CHST1: variants seen among roughly 807,000 people sequenced by gnomAD.
The protein encoded by CHST1 is carbohydrate sulfotransferase 1.
CHST1 carries 10 observed loss-of-function variants against 22.5 expected under a neutral mutation model. The observed-to-expected ratio is 0.44, with a 90% CI of 0.27 to 0.75. The LOEUF is 0.75. CHST1 is among the 30% of genes least tolerant of loss of function. The pLI is 0.15. For missense variants in CHST1, 439 were observed against 576.1 expected, an observed-to-expected ratio of 0.76 and a Z score of 2.44; for synonymous variants, 267 against 264.5, an observed-to-expected ratio of 1.01 and a Z score of -0.09.
At chr11:45,654,374 C>T (rs868038205) in intron 1 of CHST1, among the ~76,000 whole-genome samples, 2 of 152,248 alleles carry the variant, frequency 1.3e-5, no homozygotes, top group Non-Finnish European at 2.9e-5. Context: ...AAGGCCCAGC[C>T]ACAGGCCATT....
intron 1 of CHST1, among the ~76,000 whole-genome samples, chr11:45,653,698 T>A (rs1852027143): frequency 6.6e-6 from 1 of 152,268 alleles, no homozygotes; most frequent in Non-Finnish European, 1.5e-5. Flanking sequence ...TACGCTTCCT[T>A]TGTATTTATT....
chr11:45,657,180 G>A (rs1470521357), intron 1 of CHST1, among the ~76,000 whole-genome samples: 4 of 152,190 alleles, frequency 2.6e-5, no homozygotes, highest in Non-Finnish European at 4.4e-5. Flanking sequence ...AGACTGCAGA[G>A]GGGAAATGCT....
rs1046017970 is a variant in CHST1, at chr11:45,649,649, G to T, written c.*39C>A. On this transcript the variant is annotated 3_prime_UTR_variant, in exon 4 of 4. Transcript: ENST00000308064. ...AAAAACGGTCCATTTTATCAAAACC[G>T]ACACCTTGCGCCTCCCGCCCCCACC... 3 of 1,507,212 alleles carry T rather than the reference G, an allele frequency of 2.0e-6. No homozygotes were observed. The highest frequency in any genetic ancestry group is 2.6e-6 in the Non-Finnish European group (3 of 1,135,962). The allele number at this position is 1,507,212 out of a possible 1,614,324, so 93.4% of individuals were successfully genotyped here.
chr11:45,663,363 G>T lies in CHST1; in HGVS notation c.-227+1815C>A, dbSNP rs45497798. Among the ~76,000 whole-genome samples the T allele has an allele frequency of 3.4e-3, 511 of 152,266 alleles. 2 individuals carry two copies. Among genetic ancestry groups the T allele is most frequent in the African/African-American group, 0.012 (490 of 41,552 alleles). On this transcript the variant is annotated intron_variant, in intron 1 of 3. Coordinates refer to ENST00000308064, the MANE Select transcript of CHST1 (RefSeq NM_003654.6). ...GCTAGGGCCCTGTCGGCAAGGGTTGGGGGGAGAGTGGTCAGGGGGATACAT... is the reference window on the plus strand; with the variant it reads ...GCTAGGGCCCTGTCGGCAAGGGTTGTGGGGAGAGTGGTCAGGGGGATACAT...
At chr11:45,656,483 A>G (rs1054428990) in intron 1 of CHST1, among the ~76,000 whole-genome samples, 2 of 152,246 alleles carry the variant, frequency 1.3e-5, no homozygotes, top group Non-Finnish European at 2.9e-5. Context: ...GTATATATGC[A>G]TAAACAATCA....
intron 1 of CHST1, among the ~76,000 whole-genome samples, chr11:45,654,968 A>G (rs984174824): frequency 2.0e-5 from 3 of 152,214 alleles, no homozygotes; most frequent in Non-Finnish European, 4.4e-5. Flanking sequence ...CCTGAGCCTC[A>G]GTTTCCCCAT....
At chr11:45,651,138 A>C in intron 3 of CHST1, 173 bp from the exon 4 acceptor site, 6 of 439,524 alleles carry the variant, frequency 1.4e-5, no homozygotes, top group East Asian at 3.4e-5. Context: ...TCTCTGGGGG[A>C]CTCCTGGGAG....
At chr11:45,651,406 T>G in intron 3 of CHST1, 1 of 153,762 alleles carries the variant, frequency 6.5e-6, no homozygotes, top group Non-Finnish European at 1.4e-5. Flanking sequence ...TGCCCATCCC[T>G]AGGGGAAAGA....
chr11:45,653,732 G>C (rs1388944297), intron 1 of CHST1, among the ~76,000 whole-genome samples: 1 of 152,186 alleles, frequency 6.6e-6, no homozygotes, highest in Admixed American at 6.5e-5. Context: ...CAGAACTCCT[G>C]TATGTGCCAG....
rs1456011326 is a variant in CHST1 at position 45,649,671 on chromosome 11, C to CA, written c.*16dup. The CA allele has an allele frequency of 6.5e-7, 1 of 1,531,952 alleles. No individual in the cohort carries two copies. The highest frequency in any genetic ancestry group is 2.0e-5 in the Admixed American group (1 of 48,892). The allele number at this position is 1,531,952 out of a possible 1,614,324, so 94.9% of individuals were successfully genotyped here. A position where few individuals can be genotyped will look rare whatever the true frequency, so the allele number is the denominator to read the frequency against. Reference sequence around the variant, plus strand: ...ACCGACACCTTGCGCCTCCCGCCCCCACCCGCACCGCCCGGGTCACGAGAA... The same window carrying CA: ...ACCGACACCTTGCGCCTCCCGCCCCCAACCCGCACCGCCCGGGTCACGAGAA... On this transcript the variant is annotated 3_prime_UTR_variant, in exon 4 of 4. Coordinates refer to ENST00000308064, the MANE Select transcript of CHST1 (RefSeq NM_003654.6).
Position 45,650,894 on chromosome 11 carries a change from G to A in CHST1, c.30C>T (p.Leu10=). Residue 10 remains leucine (L), a synonymous_variant, in exon 4 of 4, where the codon CTC becomes CTT. Coordinates refer to ENST00000308064, the MANE Select transcript of CHST1 (RefSeq NM_003654.6). ...GGATGGCAATGGAGGCCAGGGCAAG[G>A]AGGAGGACGGCCTTCCAGGAACATT... MQCSWKAVL[L]LALASIAIQY... is the part of the protein sequence containing the mutation. The A allele has an allele frequency of 9.1e-6, 14 of 1,543,932 alleles. No individual in the cohort carries two copies. The highest frequency in any genetic ancestry group is 1.3e-5 in the South Asian group (1 of 79,226).
At chr11:45,657,107 T>C (rs1476089191) in intron 1 of CHST1, among the ~76,000 whole-genome samples, 2 of 151,966 alleles carry the variant, frequency 1.3e-5, no homozygotes, top group African/African-American at 4.8e-5. Context: ...TCCCAAGAAC[T>C]GGAGCAAGGG....
chr11:45,649,525 T>G lies in CHST1; in HGVS notation c.*163A>C. 1.3e-6 allele frequency: 1 copy of G among 766,902 alleles called. No individual in the cohort carries two copies. The highest frequency in any genetic ancestry group is 2.1e-6 in the Non-Finnish European group (1 of 485,340). 47.5% of individuals were successfully genotyped at this position (766,902 alleles called of 1,614,324 possible). A position where few individuals can be genotyped will look rare whatever the true frequency, so the allele number is the denominator to read the frequency against. ...TTCCCGTCCAAGACGTAGTGCAAATTTCAGAGACAAAAAAGGGGCAGAAGG... is the reference window on the plus strand; with the variant it reads ...TTCCCGTCCAAGACGTAGTGCAAATGTCAGAGACAAAAAAGGGGCAGAAGG... On this transcript the variant is annotated 3_prime_UTR_variant, in exon 4 of 4. Coordinates refer to ENST00000308064, the MANE Select transcript of CHST1 (RefSeq NM_003654.6).
In CHST1 at chr11:45,664,469, C is replaced by T. The variant is rs536166485; in HGVS notation, c.-227+709G>A. On this transcript the variant is annotated intron_variant, in intron 1 of 3. Transcript: ENST00000308064. ...CAAGGTGCCACTCCAGGACGACCCC[C>T]GGGTCTTACCTTCCTCAGGCAGCCT... 6.6e-5 allele frequency among the ~76,000 whole-genome samples: 10 copies of T among 152,372 alleles called. No homozygotes were observed. The South Asian group carries it at 1.0e-3, about 16-fold the overall frequency.
Position 45,650,949 on chromosome 11 carries a change from T to C in CHST1, c.-26A>G, listed in dbSNP as rs777002095. The C allele has an allele frequency of 6.6e-7, 1 of 1,518,720 alleles. No individual in the cohort carries two copies. Among genetic ancestry groups the C allele is most frequent in the East Asian group, 2.3e-5 (1 of 43,974 alleles). The allele number at this position is 1,518,720 out of a possible 1,614,324, so 94.1% of individuals were successfully genotyped here. ...GGCTGGGCACCTTCATGGGGCTGCT[T>C]CTCCAAGGGGTGAGGTCTGTGGGCA... On this transcript the variant is annotated 5_prime_UTR_variant, in exon 4 of 4. Transcript: ENST00000308064.
intron 1 of CHST1, among the ~76,000 whole-genome samples, chr11:45,663,483 C>A (rs78302568): frequency 2.5e-4 from 38 of 152,228 alleles, no homozygotes; most frequent in African/African-American, 8.2e-4. Flanking sequence ...AAACCCCTGG[C>A]CAAAAGCATT....
At position 45,650,541 on chromosome 11, in the gene CHST1, T is replaced by C. The variant is rs1475279218; in HGVS notation, c.383A>G (p.Tyr128Cys). ...CTCCAGGAAGTAGAGGTCGCAGTCG[T>C]AGAGGCTCCGCAGGAGGTCGCGGCT... is the stretch of plus-strand genomic sequence containing the variant. The part of the protein sequence containing the change: ...GASRDLLRSL[Y>C]DCDLYFLENY... The change falls in exon 4 of 4, where the codon TAC becomes TGC. Residue 128 changes from tyrosine to cysteine, a missense_variant. Physicochemically the swap from Tyr to Cys is radical, Grantham distance 194. Coordinates refer to ENST00000308064, the MANE Select transcript of CHST1 (RefSeq NM_003654.6). 1 of 1,613,872 alleles carries C rather than the reference T, an allele frequency of 6.2e-7. No individual in the cohort carries two copies. Among genetic ancestry groups the C allele is most frequent in the Non-Finnish European group, 8.5e-7 (1 of 1,179,950 alleles).
At chr11:45,657,457 T>TA (rs1564999330) in intron 1 of CHST1, among the ~76,000 whole-genome samples, 1 of 152,194 alleles carries the variant, frequency 6.6e-6, no homozygotes, top group Non-Finnish European at 1.5e-5. Context: ...ACCCATGAGA[T>TA]AAAGATTAAA....
rs755100194 is a variant in CHST1, at chr11:45,649,946, G to T, written c.978C>A (p.Ser326Arg). 1.9e-6 allele frequency: 3 copies of T among 1,613,234 alleles called. No homozygotes were observed. In the African/African-American group the frequency reaches 4.0e-5, roughly 22 times the overall value. The change falls in exon 4 of 4, where the codon AGC becomes AGA. Residue 326 changes from serine to arginine, a missense_variant. Transcript: ENST00000308064. ...IYGFLGIPLD[S>R]HVARWIQNNT... The stretch of plus-strand genomic sequence containing the variant: ...TGTTCTGGATCCAGCGGGCCACGTG[G>T]CTGTCCAGCGGGATGCCCAGGAACC...
Sources: gnomAD v4.1 joint callset for allele counts (sites outside exome capture counted in the v4.1 genomes callset) on GRCh38, gnomAD v4.1.1 for gene constraint, MANE v1.5 for transcripts, NCBI Gene and HGNC (gene_info 2026-07-23, HGNC 2026-07-21) for gene names.